The following DCDC2 variants were observed in gnomAD, a reference collection of about 807,000 sequenced individuals.
DCDC2 encodes the protein doublecortin domain containing 2, also known as doublecortin domain-containing protein 2.
In DCDC2, 40 loss-of-function variants were observed where a neutral mutation model predicts 50.2. The ratio of observed to expected loss-of-function variants is 0.80; its 90% CI spans 0.62 to 1.04. The LOEUF (loss-of-function observed/expected upper bound fraction) is 1.04. Among genes scored for constraint, DCDC2 ranks in the 50% least tolerant of loss-of-function variants. The pLI is 0.00. For missense variants in DCDC2, 570 were observed against 581.9 expected, an observed-to-expected ratio of 0.98 and a Z score of 0.21; for synonymous variants, 234 against 210.6, an observed-to-expected ratio of 1.11 and a Z score of -0.96.
chr6:24,189,597 G>C (rs1420892898), intron 8 of DCDC2, among the ~76,000 whole-genome samples: 1 of 152,104 alleles, frequency 6.6e-6, no homozygotes, highest in Admixed American at 6.5e-5. Context: ...GAATTCCTGA[G>C]GGATATTATT....
intron 2 of DCDC2, among the ~76,000 whole-genome samples, chr6:24,312,191 G>C (rs1463202168): frequency 3.0e-5 from 4 of 134,744 alleles, no homozygotes; most frequent in Non-Finnish European, 6.1e-5. Context: ...CCCAAATCCT[G>C]TAAAACTGCC....
intron 8 of DCDC2, among the ~76,000 whole-genome samples, chr6:24,198,346 C>A (rs1761493212): frequency 1.3e-5 from 2 of 152,140 alleles, no homozygotes; most frequent in South Asian, 4.1e-4. Flanking sequence ...GTGCAGCCCA[C>A]AGAAGGCGAG....
At chr6:24,263,608 G>A (rs1056318462) in intron 7 of DCDC2, among the ~76,000 whole-genome samples, 2 of 152,156 alleles carry the variant, frequency 1.3e-5, no homozygotes, top group Non-Finnish European at 2.9e-5. Context: ...CATCAAAGTC[G>A]CTCAATAGCA....
At chr6:24,292,040 T>C (rs1490375220) in intron 4 of DCDC2, among the ~76,000 whole-genome samples, 1 of 152,162 alleles carries the variant, frequency 6.6e-6, no homozygotes, top group East Asian at 1.9e-4. Flanking sequence ...GTGAACATTA[T>C]ATCTTCCCAG....
intron 1 of DCDC2, among the ~76,000 whole-genome samples, chr6:24,355,330 A>G (rs1561786281): frequency 6.6e-6 from 1 of 152,114 alleles, no homozygotes; most frequent in African/African-American, 2.4e-5. Flanking sequence ...AACATGAACT[A>G]TAAAAGTGAG....
intron 1 of DCDC2, among the ~76,000 whole-genome samples, chr6:24,354,599 G>A (rs1452450088): frequency 3.3e-5 from 5 of 152,066 alleles, no homozygotes; most frequent in South Asian, 2.1e-4. Flanking sequence ...CAAACACTCC[G>A]TCTTAGCAAT....
chr6:24,328,598 C>T (rs982260417), intron 2 of DCDC2, among the ~76,000 whole-genome samples: 4 of 152,170 alleles, frequency 2.6e-5, no homozygotes, highest in Admixed American at 2.0e-4. Flanking sequence ...TAGTAGCCAA[C>T]ACAGCTGCTA....
chr6:24,357,767 C>T lies in DCDC2; in HGVS notation c.-17G>A. 1.2e-6 allele frequency: 2 copies of T among 1,612,082 alleles called. No individual in the cohort carries two copies. The highest frequency in any genetic ancestry group is 1.7e-6 in the Non-Finnish European group (2 of 1,179,296). On this transcript the variant is annotated 5_prime_UTR_variant, in exon 1 of 10. Coordinates refer to ENST00000378454, the MANE Select transcript of DCDC2 (RefSeq NM_016356.5). ...GCCGCTCATCTTCCCCGCTGGCCGC[C>T]GCCTCAGCTCGCTGCTTCGCGTCGG...
intron 2 of DCDC2, among the ~76,000 whole-genome samples, chr6:24,329,333 T>C (rs549151638): frequency 1.4e-4 from 22 of 152,342 alleles, no homozygotes; most frequent in Non-Finnish European, 2.8e-4. Context: ...TATCATTTGT[T>C]TGTTTTCCTG....
In DCDC2 at chr6:24,266,346, C is replaced by T. The variant is rs973930285; in HGVS notation, c.922+11703G>A. Among the ~76,000 whole-genome samples, 15 of 152,036 alleles carry T rather than the reference C, an allele frequency of 9.9e-5. 1 individual carries two copies. Among genetic ancestry groups the T allele is most frequent in the Admixed American group, 7.9e-4 (12 of 15,264 alleles). ...TATGGGATCACATAAAGTTAAAAAG[C>T]TTCTACACAGCAAAGGAAACAAAGT... is the stretch of plus-strand genomic sequence containing the variant. On this transcript the variant is annotated intron_variant, in intron 7 of 9. Transcript: ENST00000378454.
At chr6:24,365,230 T>C in the DCDC2 span, among the ~76,000 whole-genome samples, 4 of 152,234 alleles carry the variant, frequency 2.6e-5, no homozygotes, top group Non-Finnish European at 4.4e-5. Context: ...GTAGCTTCCA[T>C]TTGCCTAACA....
intron 6 of DCDC2, among the ~76,000 whole-genome samples, chr6:24,287,993 C>A (rs1206371322): frequency 6.6e-6 from 1 of 152,142 alleles, no homozygotes; most frequent in Non-Finnish European, 1.5e-5. Flanking sequence ...TTCGGCACTA[C>A]TTATGTACAC....
Position 24,306,535 on chromosome 6 carries a change from TAGATAGATAGACAGAC to T in DCDC2, c.349-4507_349-4492del, listed in dbSNP as rs1424536924. 7.5e-3 allele frequency among the ~76,000 whole-genome samples: 890 copies of T among 119,120 alleles called. 9 individuals carry two copies. The highest frequency in any genetic ancestry group is 0.022 in the African/African-American group (732 of 33,360). 78.1% of individuals were successfully genotyped at this position (119,120 alleles called of 152,430 possible). Reference sequence around the variant, plus strand: ...ATAGATAGATAGATAGATAGATAGATAGATAGATAGACAGACAGACAGACAGACAGACAGACAGACA... The same window carrying T: ...ATAGATAGATAGATAGATAGATAGATAGACAGACAGACAGACAGACAGACA... On this transcript the variant is annotated intron_variant, in intron 2 of 9. Transcript: ENST00000378454.
intron 7 of DCDC2, among the ~76,000 whole-genome samples, chr6:24,248,778 A>G (rs1286386015): frequency 6.6e-6 from 1 of 152,232 alleles, no homozygotes; most frequent in African/African-American, 2.4e-5. Flanking sequence ...AAATGACTAT[A>G]AACATTTTCA....
chr6:24,327,917 G>A (rs967005198), intron 2 of DCDC2, among the ~76,000 whole-genome samples: 32 of 152,036 alleles, frequency 2.1e-4, no homozygotes, highest in South Asian at 6.2e-4. Flanking sequence ...TATATGTTTA[G>A]CTTGATGCAT....
At chr6:24,319,474 TTTTG>T (rs1210716365) in intron 2 of DCDC2, among the ~76,000 whole-genome samples, 2 of 152,112 alleles carry the variant, frequency 1.3e-5, no homozygotes, top group African/African-American at 4.8e-5. Flanking sequence ...TTTTGTTTTG[TTTTG>T]TTTGTCTTTT....
intron 7 of DCDC2, among the ~76,000 whole-genome samples, chr6:24,242,854 T>C (rs793859): frequency 0.99 from 151,087 of 152,224 alleles, 74,988 homozygotes; most frequent in Middle Eastern, 1. Flanking sequence ...CCCAGCTACA[T>C]AGGAGGCTGA....
At chr6:24,183,423 C>G (rs2113743886) in intron 8 of DCDC2, among the ~76,000 whole-genome samples, 2 of 152,228 alleles carry the variant, frequency 1.3e-5, no homozygotes, top group Middle Eastern at 3.4e-3. Context: ...GGAGCCCACA[C>G]CAGGAAGTCG....
At chr6:24,376,737 C>CAAAAAAA in the DCDC2 span, among the ~76,000 whole-genome samples, 2 of 46,756 alleles carry the variant, frequency 4.3e-5, no homozygotes, top group African/African-American at 9.9e-5. Context: ...CAGGTATATG[C>CAAAAAAA]AAAAAAAAAA....
Sources: allele counts gnomAD v4.1 joint callset (sites outside exome capture counted in the v4.1 genomes callset), GRCh38; gene constraint gnomAD v4.1.1; transcripts MANE v1.5; gene names NCBI Gene and HGNC (gene_info 2026-07-23, HGNC 2026-07-21).